The following TNC variants were observed in gnomAD, a reference collection of about 807,000 sequenced individuals.
TNC encodes the protein tenascin.
A neutral mutation model predicts 202.4 loss-of-function variants in TNC; 109 were observed. That is an observed-to-expected ratio of 0.54 (90% CI 0.46 to 0.63). The LOEUF is 0.63. TNC is among the 30% of genes least tolerant of loss of function. TNC has a pLI of 0.00. For missense variants in TNC, 2,756 were observed against 2,833.3 expected (o/e 0.97, Z 0.62); for synonymous variants, 1,007 against 1,089.7 (o/e 0.92, Z 1.50).
intron 1 of TNC, chr9:115,115,047 C>A (rs146079889): frequency 6.6e-6 from 1 of 152,176 alleles, no homozygotes; most frequent in Non-Finnish European, 1.5e-5. Context: ...AAGGGGGCTG[C>A]GCTTTGGTCC....
In TNC at chr9:115,020,876, G is replaced by T. The variant is rs543312486; in HGVS notation, c.*281C>A. 3 of 397,136 alleles carry T rather than the reference G, an allele frequency of 7.6e-6. No individual in the cohort carries two copies. The highest frequency in any genetic ancestry group is 9.4e-5 in the East Asian group (2 of 21,192). 24.6% of individuals were successfully genotyped at this position (397,136 alleles called of 1,614,324 possible). A position where few individuals can be genotyped will look rare whatever the true frequency, so the allele number is the denominator to read the frequency against. ...CTCCCATTCCCAGAGCCACCTAAGA[G>T]AAGTAAAAAACTATTGCGATGTTGT... On this transcript the variant is annotated 3_prime_UTR_variant, in exon 28 of 28. Transcript: ENST00000350763.
At chr9:115,110,016 G>A (rs1168647979) in intron 1 of TNC, among the ~76,000 whole-genome samples, 1 of 152,110 alleles carries the variant, frequency 6.6e-6, no homozygotes, top group Admixed American at 6.5e-5. Context: ...GTCAAGAGGG[G>A]CAGACAGGCC....
chr9:115,038,151 T>C (rs878886024), intron 20 of TNC, 110 bp downstream of exon 20: 1 of 1,422,320 alleles, frequency 7.0e-7, no homozygotes, highest in Non-Finnish European at 9.5e-7. Context: ...AACCTACCCA[T>C]GCATTTTTAT....
intron 9 of TNC, 65 bp downstream of exon 9, chr9:115,075,967 A>G: frequency 2.1e-6 from 3 of 1,438,892 alleles, no homozygotes; most frequent in Non-Finnish European, 2.9e-6. Flanking sequence ...GGTTTTGGCC[A>G]CATTGACTCT....
chr9:115,069,130 G>C (rs1460308718), intron 10 of TNC, among the ~76,000 whole-genome samples: 1 of 152,210 alleles, frequency 6.6e-6, no homozygotes, highest in Non-Finnish European at 1.5e-5. Flanking sequence ...TTTGGTCTGT[G>C]AGAAAATCAA....
intron 1 of TNC, among the ~76,000 whole-genome samples, chr9:115,097,005 A>C (rs1298418416): frequency 6.6e-6 from 1 of 152,222 alleles, no homozygotes; most frequent in Non-Finnish European, 1.5e-5. Context: ...TGTCAAAGAC[A>C]ACTCATGACT....
intron 15 of TNC, chr9:115,055,575 CA>C (rs767398219): frequency 6.6e-6 from 1 of 152,498 alleles, no homozygotes; most frequent in Admixed American, 6.5e-5. Flanking sequence ...TTGGTGATGA[CA>C]GAGCTGCGAG....
chr9:115,042,409 T>C (rs1830835518), intron 17 of TNC, 68 bp from the exon 18 acceptor site: 3 of 1,582,272 alleles, frequency 1.9e-6, no homozygotes, highest in Non-Finnish European at 2.6e-6. Flanking sequence ...TGGTTCTTCC[T>C]GAATTCCTTA....
chr9:115,065,059 C>T, intron 10 of TNC, 140 bp from the exon 11 acceptor site: 1 of 892,160 alleles, frequency 1.1e-6, no homozygotes, highest in South Asian at 1.7e-5. Context: ...GCATCCCCTA[C>T]TGGTGCTGTC....
chr9:115,098,549 T>C (rs996855516), intron 1 of TNC, among the ~76,000 whole-genome samples: 1 of 152,232 alleles, frequency 6.6e-6, no homozygotes, highest in African/African-American at 2.4e-5. Flanking sequence ...AAGATGAAAC[T>C]TCCAACTGGC....
At chr9:115,092,958 C>A (rs907508919) in intron 1 of TNC, among the ~76,000 whole-genome samples, 3 of 152,126 alleles carry the variant, frequency 2.0e-5, no homozygotes, top group Non-Finnish European at 4.4e-5. Flanking sequence ...TACTCGCACA[C>A]TGTAAGTTAG....
chr9:115,045,736 T>C (rs1013937264), intron 17 of TNC, among the ~76,000 whole-genome samples: 156 of 151,350 alleles, frequency 1.0e-3, no homozygotes, highest in African/African-American at 3.6e-3. Context: ...ACAGCTCCTA[T>C]GGAAAAAGGT....
intron 1 of TNC, among the ~76,000 whole-genome samples, chr9:115,109,367 G>T (rs1237474397): frequency 6.6e-6 from 1 of 152,168 alleles, no homozygotes; most frequent in East Asian, 1.9e-4. Context: ...TGGATAAGAA[G>T]AAATTAGCTT....
rs1204238326 is a variant in TNC, at chr9:115,020,936, C to T, written c.*221G>A. Reference sequence around the variant, plus strand: ...ATTTTTGCTGAATCAAACAACAAAACAGAAACATGTTGGAGACTGATGTCT... The same window carrying T: ...ATTTTTGCTGAATCAAACAACAAAATAGAAACATGTTGGAGACTGATGTCT... On this transcript the variant is annotated 3_prime_UTR_variant, in exon 28 of 28. Coordinates refer to ENST00000350763, the MANE Select transcript of TNC (RefSeq NM_002160.4). 1.9e-6 allele frequency: 1 copy of T among 513,188 alleles called. No homozygotes were observed. The highest frequency in any genetic ancestry group is 3.4e-6 in the Non-Finnish European group (1 of 291,506). 31.8% of individuals were successfully genotyped at this position (513,188 alleles called of 1,614,324 possible). A position where few individuals can be genotyped will look rare whatever the true frequency, so the allele number is the denominator to read the frequency against.
At chr9:115,031,905 G>T (rs1006173434) in intron 22 of TNC, among the ~76,000 whole-genome samples, 4 of 152,184 alleles carry the variant, frequency 2.6e-5, no homozygotes, top group Non-Finnish European at 5.9e-5. Context: ...GCCAGAAGGT[G>T]CAGAGCAAGT....
chr9:115,092,245 C>G (rs918110350), intron 1 of TNC, among the ~76,000 whole-genome samples: 2 of 152,050 alleles, frequency 1.3e-5, no homozygotes, highest in African/African-American at 4.8e-5. Context: ...TTAAGCTGAG[C>G]CTTAAATAGT....
intron 18 of TNC, among the ~76,000 whole-genome samples, chr9:115,041,795 A>G (rs1397716668): frequency 6.6e-6 from 1 of 152,186 alleles, no homozygotes; most frequent in African/African-American, 2.4e-5. Context: ...GTTAGAACTC[A>G]CAAATTTTCT....
chr9:115,078,548 T>C (rs117483753), intron 6 of TNC, among the ~76,000 whole-genome samples: 1 of 151,938 alleles, frequency 6.6e-6, no homozygotes, highest in Non-Finnish European at 1.5e-5. Context: ...TTCTCATAAG[T>C]TGAGGAAACA....
At chr9:115,042,076 T>C in intron 18 of TNC, 143 bp downstream of exon 18, 1 of 1,307,254 alleles carries the variant, frequency 7.6e-7, no homozygotes, top group Non-Finnish European at 1.0e-6. Context: ...AAATGAGTTC[T>C]CTTCTCTCCA....
Sources: gnomAD v4.1 joint callset for allele counts (sites outside exome capture counted in the v4.1 genomes callset) on GRCh38, gnomAD v4.1.1 for gene constraint, MANE v1.5 for transcripts, NCBI Gene and HGNC (gene_info 2026-07-23, HGNC 2026-07-21) for gene names.